Variants in STK32B observed in about 807,000 individuals in gnomAD.
The protein encoded by STK32B is serine/threonine-protein kinase 32B.
A neutral mutation model predicts 52.6 loss-of-function variants in STK32B; 43 were observed. The ratio of observed to expected loss-of-function variants is 0.82; its 90% CI spans 0.64 to 1.05. STK32B has a LOEUF of 1.05. Among genes scored for constraint, STK32B ranks in the 50% least tolerant of loss-of-function variants. The probability of loss-of-function intolerance (pLI) is 0.00; values close to 1 mark genes in which losing one functional copy is unlikely to be tolerated. For missense variants in STK32B, 621 were observed against 534.6 expected (o/e 1.16, Z -1.59); for synonymous variants, 238 against 204.3 (o/e 1.17, Z -1.41).
At chr4:5,079,143 A>G (rs952687689) in intron 1 of STK32B, among the ~76,000 whole-genome samples, 1 of 152,138 alleles carries the variant, frequency 6.6e-6, no homozygotes, top group Non-Finnish European at 1.5e-5. Context: ...ATATGTTTTA[A>G]ACTCTTAAAA....
rs1720532562 is a variant in STK32B, at chr4:5,183,763, C to T, written c.260+15313C>T. On this transcript the variant is annotated intron_variant, in intron 3 of 11. Transcript: ENST00000282908. ...GTAACTTGCTACAGCTTCTCCATCA[C>T]ACTTTCTGCTTCACTTTGCATTTTT... is the stretch of plus-strand genomic sequence containing the variant. Among the ~76,000 whole-genome samples, 8 of 152,366 alleles carry T rather than the reference C, an allele frequency of 5.3e-5. No homozygotes were observed. The South Asian group carries it at 1.7e-3, about 32-fold the overall frequency.
intron 2 of STK32B, among the ~76,000 whole-genome samples, chr4:5,163,721 T>C (rs1271376081): frequency 6.6e-6 from 1 of 152,206 alleles, no homozygotes; most frequent in Non-Finnish European, 1.5e-5. Flanking sequence ...GGCAAAAGGA[T>C]ATCTGCAGAG....
At chr4:5,255,441 G>T (rs955427687) in intron 3 of STK32B, among the ~76,000 whole-genome samples, 7 of 151,380 alleles carry the variant, frequency 4.6e-5, no homozygotes, top group Non-Finnish European at 8.8e-5. Context: ...TTTTATTTAG[G>T]TAACATACAT....
the STK32B span, among the ~76,000 whole-genome samples, chr4:5,044,376 A>G: frequency 1.3e-5 from 2 of 151,856 alleles, no homozygotes; most frequent in Non-Finnish European, 2.9e-5. Flanking sequence ...ACTGCTACAC[A>G]CCCACCACAG....
chr4:5,163,442 G>A (rs934169994), intron 2 of STK32B, among the ~76,000 whole-genome samples: 2 of 152,162 alleles, frequency 1.3e-5, no homozygotes, highest in African/African-American at 4.8e-5. Context: ...TAAATTGGGT[G>A]GCAGTAGGTC....
intron 4 of STK32B, among the ~76,000 whole-genome samples, chr4:5,347,032 C>A (rs1271625304): frequency 6.6e-6 from 1 of 152,176 alleles, no homozygotes; most frequent in Non-Finnish European, 1.5e-5. Flanking sequence ...GAAACTGCCC[C>A]TGTGATCTGG....
chr4:5,446,997 G>A, intron 7 of STK32B: 1 of 504,640 alleles, frequency 2.0e-6, no homozygotes, highest in Admixed American at 3.2e-5. Context: ...CATTCAGTGG[G>A]GGAGGGTCTT....
chr4:5,247,259 A>C (rs1486069416), intron 3 of STK32B, among the ~76,000 whole-genome samples: 1 of 152,086 alleles, frequency 6.6e-6, no homozygotes, highest in East Asian at 1.9e-4. Context: ...TACCTACTCA[A>C]GCCTGAGCAA....
intron 3 of STK32B, among the ~76,000 whole-genome samples, chr4:5,322,716 C>T (rs1731596067): frequency 1.3e-5 from 2 of 152,178 alleles, no homozygotes; most frequent in African/African-American, 4.8e-5. Context: ...CCTTTAACAA[C>T]TGCACAAGGT....
chr4:5,126,346 A>G (rs1048708062), intron 1 of STK32B, among the ~76,000 whole-genome samples: 2 of 151,610 alleles, frequency 1.3e-5, no homozygotes, highest in Non-Finnish European at 2.9e-5. Context: ...CGGTAATACT[A>G]CTTAGCAGCC....
intron 3 of STK32B, among the ~76,000 whole-genome samples, chr4:5,189,559 G>A (rs1005639836): frequency 6.6e-6 from 1 of 152,112 alleles, no homozygotes; most frequent in African/African-American, 2.4e-5. Flanking sequence ...GTAGCCTACC[G>A]AAAGACATCT....
chr4:5,498,912 G>C (rs199790494), intron 11 of STK32B, 33 bp from the exon 12 acceptor site: 2 of 1,588,114 alleles, frequency 1.3e-6, no homozygotes, highest in Admixed American at 1.7e-5. Context: ...ACCCCATGCC[G>C]CACCACTAAC....
At chr4:5,439,099 G>A (rs1417411599) in intron 6 of STK32B, among the ~76,000 whole-genome samples, 14 of 146,574 alleles carry the variant, frequency 9.6e-5, no homozygotes, top group African/African-American at 2.3e-4. Flanking sequence ...ATGATTTATA[G>A]TCCTTTGGGT....
At chr4:5,250,874 C>T (rs1053108878) in intron 3 of STK32B, among the ~76,000 whole-genome samples, 1 of 152,072 alleles carries the variant, frequency 6.6e-6, no homozygotes, top group Non-Finnish European at 1.5e-5. Context: ...TGAAAAGTGT[C>T]TGTTCATTTC....
At chr4:5,099,454 G>GCGCGTGTGCGCGCGCACA (rs1553823530) in intron 1 of STK32B, among the ~76,000 whole-genome samples, 5 of 129,744 alleles carry the variant, frequency 3.9e-5, no homozygotes, top group Admixed American at 7.5e-5. Flanking sequence ...GTGTGTGCGC[G>GCGCGTGTGCGCGCGCACA]CGCGCGTATG....
intron 3 of STK32B, among the ~76,000 whole-genome samples, chr4:5,172,073 G>C (rs529741973): frequency 7.3e-5 from 11 of 151,682 alleles, no homozygotes; most frequent in Admixed American, 7.2e-4. Flanking sequence ...TGAAGCAATT[G>C]AGAATGGGAG....
intron 6 of STK32B, among the ~76,000 whole-genome samples, chr4:5,434,597 TA>T (rs1713882187): frequency 1.3e-5 from 2 of 152,116 alleles, no homozygotes; most frequent in Non-Finnish European, 1.5e-5. Flanking sequence ...TGGGTTCAAA[TA>T]AGCCTTAGTA....
At position 5,399,184 on chromosome 4, in the gene STK32B, A is replaced by T. The variant is rs925071900; in HGVS notation, c.472+940A>T. On this transcript the variant is annotated intron_variant, in intron 5 of 11. Transcript: ENST00000282908. The surrounding 1 kb of genome is among the most constrained non-coding windows in gnomAD (Gnocchi z 5.4). ...GCATTGCTTCAGGGGCCCGTCTCTC[A>T]GGGCCTAACATGGGGTTGGCTGGAG... Among the ~76,000 whole-genome samples the T allele has an allele frequency of 1.3e-5, 2 of 150,544 alleles. No homozygotes were observed. Among genetic ancestry groups the T allele is most frequent in the African/African-American group, 4.8e-5 (2 of 41,358 alleles).
chr4:5,250,049 C>T (rs1243036195), intron 3 of STK32B, among the ~76,000 whole-genome samples: 3 of 152,122 alleles, frequency 2.0e-5, no homozygotes, highest in Non-Finnish European at 4.4e-5. Flanking sequence ...AGGGGAATGA[C>T]CTCCAGTTGC....
Sources: allele counts gnomAD v4.1 joint callset (sites outside exome capture counted in the v4.1 genomes callset), GRCh38; gene constraint gnomAD v4.1.1; non-coding constraint Gnocchi (gnomAD v3.1); transcripts MANE v1.5; gene names NCBI Gene and HGNC (gene_info 2026-07-23, HGNC 2026-07-21).